The following ZHX2 variants were observed in gnomAD, a reference collection of about 807,000 sequenced individuals.
The protein encoded by ZHX2 is zinc fingers and homeoboxes 2, also known as zinc fingers and homeoboxes protein 2.
In ZHX2, 6 loss-of-function variants were observed where a neutral mutation model predicts 21.9. The observed-to-expected ratio is 0.27, with a 90% CI of 0.15 to 0.54. The LOEUF (loss-of-function observed/expected upper bound fraction) is 0.54. Among genes scored for constraint, ZHX2 ranks in the 20% least tolerant of loss-of-function variants. The pLI is 0.95. For synonymous variants in ZHX2, 434 were observed against 437.1 expected (o/e 0.99, Z 0.09); for missense variants, 908 against 1,090.7 (o/e 0.83, Z 2.36).
intron 1 of ZHX2, chr8:122,816,574 T>A (rs1376992673): frequency 6.6e-6 from 1 of 151,924 alleles, no homozygotes; most frequent in Non-Finnish European, 1.5e-5. Flanking sequence ...ATCTGTCTTA[T>A]GTCCATCTTT....
chr8:122,941,663 C>CA (rs67837735), intron 2 of ZHX2, among the ~76,000 whole-genome samples: 1,994 of 133,028 alleles, frequency 0.015, 22 homozygotes, highest in Admixed American at 0.053. Context: ...TTAGTTGCAG[C>CA]AAAAAAAAAA....
At chr8:122,961,191 C>A (rs1813433380) in intron 3 of ZHX2, among the ~76,000 whole-genome samples, 1 of 152,202 alleles carries the variant, frequency 6.6e-6, no homozygotes, top group African/African-American at 2.4e-5. Flanking sequence ...TGCCAACACC[C>A]ACCTTCTCAC....
intron 1 of ZHX2, among the ~76,000 whole-genome samples, chr8:122,832,946 G>A (rs184230050): frequency 1.3e-5 from 2 of 152,230 alleles, no homozygotes; most frequent in African/African-American, 4.8e-5. Context: ...CACATTGAAG[G>A]AGAGTGGACG....
chr8:122,860,106 G>T (rs1819125700), intron 1 of ZHX2, among the ~76,000 whole-genome samples: 1 of 152,170 alleles, frequency 6.6e-6, no homozygotes, highest in African/African-American at 2.4e-5. Flanking sequence ...ATGGTGGAAG[G>T]GGAAGCAAGG....
At chr8:122,940,117 G>A (rs1033859772) in intron 2 of ZHX2, among the ~76,000 whole-genome samples, 7 of 152,198 alleles carry the variant, frequency 4.6e-5, no homozygotes, top group Non-Finnish European at 1.0e-4. Context: ...TGGGGGTTGT[G>A]AGATGGGCAC....
At chr8:122,821,384 T>A (rs1047952001) in intron 1 of ZHX2, among the ~76,000 whole-genome samples, 14 of 152,182 alleles carry the variant, frequency 9.2e-5, no homozygotes, top group Non-Finnish European at 1.8e-4. Context: ...TAAGCTATAG[T>A]AAGGGCTTAT....
chr8:122,875,129 T>TTTTA (rs1819531525), intron 2 of ZHX2, among the ~76,000 whole-genome samples: 5 of 10,230 alleles, frequency 4.9e-4, no homozygotes, highest in African/African-American at 1.8e-3. Flanking sequence ...GAAAACTCTG[T>TTTTA]TATATATATA....
At chr8:122,789,004 C>G (rs1243632656) in intron 1 of ZHX2, among the ~76,000 whole-genome samples, 1 of 152,210 alleles carries the variant, frequency 6.6e-6, no homozygotes, top group Non-Finnish European at 1.5e-5. Context: ...ATTGCGCCCT[C>G]CGCCCTCTCC....
intron 1 of ZHX2, among the ~76,000 whole-genome samples, chr8:122,801,888 T>C (rs1817728200): frequency 6.6e-6 from 1 of 152,212 alleles, no homozygotes; most frequent in African/African-American, 2.4e-5. Flanking sequence ...GGAACTTTTC[T>C]ACGATTCTGG....
At chr8:122,904,354 C>T (rs1274331621) in intron 2 of ZHX2, among the ~76,000 whole-genome samples, 1 of 152,212 alleles carries the variant, frequency 6.6e-6, no homozygotes, top group African/African-American at 2.4e-5. Context: ...TCCACCCTCA[C>T]CACGTTATAG....
rs74904429 is a variant in ZHX2 at position 122,796,767 on chromosome 8, G to A, written c.-283+14821G>A. On this transcript the variant is annotated intron_variant, in intron 1 of 3. Transcript: ENST00000314393. ...GTGGCTTAGGGACCTTGCTTAAATAGTATTTTAACAAAGGGCCATAAATCC... is the reference window on the plus strand; with the variant it reads ...GTGGCTTAGGGACCTTGCTTAAATAATATTTTAACAAAGGGCCATAAATCC... Among the ~76,000 whole-genome samples, 24 of 152,316 alleles carry A rather than the reference G, an allele frequency of 1.6e-4. No homozygotes were observed. The East Asian group carries it at 3.7e-3, about 23-fold the overall frequency.
At chr8:122,929,733 C>G (rs1422972657) in intron 2 of ZHX2, among the ~76,000 whole-genome samples, 1 of 152,032 alleles carries the variant, frequency 6.6e-6, no homozygotes, top group Non-Finnish European at 1.5e-5. Flanking sequence ...AAAAACTCCA[C>G]TGAGCATTAT....
chr8:122,906,824 C>T (rs557268478), intron 2 of ZHX2, among the ~76,000 whole-genome samples: 2 of 151,916 alleles, frequency 1.3e-5, no homozygotes, highest in African/African-American at 2.4e-5. Flanking sequence ...GCGCACACCA[C>T]CACGCCCGGG....
intron 3 of ZHX2, among the ~76,000 whole-genome samples, chr8:122,958,232 G>A (rs533034787): frequency 7.9e-5 from 12 of 152,152 alleles, no homozygotes; most frequent in East Asian, 1.9e-4. Flanking sequence ...GGCTCACCTC[G>A]GCCCTGAGGT....
intron 2 of ZHX2, among the ~76,000 whole-genome samples, chr8:122,933,152 G>A (rs939614826): frequency 7.9e-5 from 12 of 152,126 alleles, no homozygotes; most frequent in African/African-American, 2.2e-4. Context: ...GCCCTGTCTC[G>A]CCCTGATCTG....
At chr8:122,863,812 T>G (rs1024144858) in intron 2 of ZHX2, among the ~76,000 whole-genome samples, 1 of 152,066 alleles carries the variant, frequency 6.6e-6, no homozygotes, top group Non-Finnish European at 1.5e-5. Context: ...AGACTCACCA[T>G]CCAGAGGGCA....
chr8:122,954,422 C>A (rs767144073), intron 3 of ZHX2, among the ~76,000 whole-genome samples: 6 of 152,176 alleles, frequency 3.9e-5, no homozygotes, highest in African/African-American at 1.4e-4. Context: ...ATCCTCCCCC[C>A]TCAGCTTATC....
chr8:122,938,623 G>T (rs2130191590), intron 2 of ZHX2, among the ~76,000 whole-genome samples: 1 of 152,240 alleles, frequency 6.6e-6, no homozygotes, highest in Middle Eastern at 3.4e-3. Flanking sequence ...GATTGCCTGA[G>T]TTTGAGAATT....
chr8:122,934,578 T>A (rs4074890), intron 2 of ZHX2, among the ~76,000 whole-genome samples: 91,940 of 151,844 alleles, frequency 0.61, 27,958 homozygotes, highest in Admixed American at 0.69. Context: ...AGCTTCTCCC[T>A]TCATGGCATT....
Sources: gnomAD v4.1 joint callset for allele counts (sites outside exome capture counted in the v4.1 genomes callset) on GRCh38, gnomAD v4.1.1 for gene constraint, MANE v1.5 for transcripts, NCBI Gene and HGNC (gene_info 2026-07-23, HGNC 2026-07-21) for gene names.